COG5: variants seen among roughly 807,000 people sequenced by gnomAD.
COG5 encodes component of oligomeric golgi complex 5.
COG5 carries 86 observed loss-of-function variants against 110.4 expected under a neutral mutation model. The observed-to-expected ratio is 0.78, with a 90% confidence interval of 0.65 to 0.93. COG5 has a LOEUF of 0.93. COG5 is among the 40% of genes least tolerant of loss of function. The pLI is 0.00. For synonymous variants in COG5, 360 were observed against 334.6 expected (o/e 1.08, Z -0.83); for missense variants, 1,077 against 987.0 (o/e 1.09, Z -1.22).
intron 5 of COG5, among the ~76,000 whole-genome samples, chr7:107,530,637 A>G (rs1267135582): frequency 1.3e-5 from 2 of 149,194 alleles, no homozygotes; most frequent in Non-Finnish European, 3.0e-5. Flanking sequence ...CACAGTTTTC[A>G]GCACTCCAAC....
At chr7:107,561,194 A>G (rs1419287260) in intron 1 of COG5, among the ~76,000 whole-genome samples, 1 of 152,236 alleles carries the variant, frequency 6.6e-6, no homozygotes, top group African/African-American at 2.4e-5. Context: ...TCTCTTTTAT[A>G]GTTTCCTCAT....
At chr7:107,260,962 TG>T (rs200534235) in intron 14 of COG5, among the ~76,000 whole-genome samples, 2,037 of 151,338 alleles carry the variant, frequency 0.013, 40 homozygotes, top group African/African-American at 0.048. Context: ...TGTTTGTTTT[TG>T]TTTTTTTTTT....
chr7:107,247,083 C>T (rs934992648), intron 17 of COG5, among the ~76,000 whole-genome samples: 3 of 152,156 alleles, frequency 2.0e-5, no homozygotes, highest in Non-Finnish European at 4.4e-5. Context: ...ATGGATGGAG[C>T]TGGATGCTAT....
At chr7:107,549,562 T>C (rs1218042592) in intron 3 of COG5, among the ~76,000 whole-genome samples, 1 of 151,166 alleles carries the variant, frequency 6.6e-6, no homozygotes. Context: ...CAGCTAATTT[T>C]TTTTTTTTTT....
At chr7:107,452,379 C>A (rs1245869711) in intron 6 of COG5, among the ~76,000 whole-genome samples, 1 of 152,160 alleles carries the variant, frequency 6.6e-6, no homozygotes, top group East Asian at 1.9e-4. Context: ...GCTTCCCTGT[C>A]TGATATGGTT....
chr7:107,437,216 T>C (rs778155349), intron 6 of COG5, among the ~76,000 whole-genome samples: 7 of 152,174 alleles, frequency 4.6e-5, no homozygotes, highest in South Asian at 2.1e-4. Flanking sequence ...TTATAACACA[T>C]TGTCACATGA....
At chr7:107,315,173 A>T (rs1247687418) in intron 11 of COG5, among the ~76,000 whole-genome samples, 2 of 149,564 alleles carry the variant, frequency 1.3e-5, no homozygotes, top group East Asian at 1.9e-4. Context: ...TTTTTTTTTT[A>T]AAGAACATAC....
chr7:107,221,417 A>G (rs1372749536), intron 19 of COG5, among the ~76,000 whole-genome samples: 5 of 152,070 alleles, frequency 3.3e-5, no homozygotes, highest in Non-Finnish European at 7.3e-5. Flanking sequence ...TCCCGTATGA[A>G]GCTCTCTGTA....
chr7:107,283,077 T>C (rs1369917804), intron 13 of COG5, among the ~76,000 whole-genome samples: 1 of 152,192 alleles, frequency 6.6e-6, no homozygotes, highest in Non-Finnish European at 1.5e-5. Flanking sequence ...GTGGCACCTC[T>C]GCTAGGATAT....
chr7:107,546,974 C>T (rs1802500753), intron 5 of COG5, among the ~76,000 whole-genome samples: 1 of 152,160 alleles, frequency 6.6e-6, no homozygotes, highest in African/African-American at 2.4e-5. Context: ...ACCAATCCTT[C>T]TAAAACTCTC....
chr7:107,249,102 C>A (rs995808016), intron 16 of COG5, among the ~76,000 whole-genome samples: 12 of 152,088 alleles, frequency 7.9e-5, no homozygotes, highest in African/African-American at 2.9e-4. Flanking sequence ...ACCTTCTACC[C>A]GCAAGTAGGC....
intron 11 of COG5, among the ~76,000 whole-genome samples, chr7:107,307,793 G>C (rs993183448): frequency 1.3e-5 from 2 of 149,042 alleles, no homozygotes; most frequent in African/African-American, 2.4e-5. Context: ...AGGAATAGAA[G>C]ACTACATATT....
In COG5 at chr7:107,541,496, C is replaced by CAA. The variant is rs869244428; in HGVS notation, c.417+6613_417+6614dup. ...TGGGCAACAGAGTGAGACCCTGTCT[C>CAA]AAAAAAAAAAAAAAAAAAAAAAAAA... On this transcript the variant is annotated intron_variant, in intron 5 of 21. Coordinates refer to ENST00000297135, the MANE Select transcript of COG5 (RefSeq NM_006348.5). Among the ~76,000 whole-genome samples the CAA allele has an allele frequency of 5.2e-3, 165 of 31,898 alleles. 4 individuals carry two copies. The highest frequency in any genetic ancestry group is 5.9e-3 in the African/African-American group (35 of 5,894). 20.9% of individuals were successfully genotyped at this position (31,898 alleles called of 152,430 possible).
chr7:107,508,302 C>T (rs1349899009), intron 6 of COG5, among the ~76,000 whole-genome samples: 1 of 152,238 alleles, frequency 6.6e-6, no homozygotes. Flanking sequence ...AGTCTGAGAT[C>T]AAACTGCAAG....
In COG5 at chr7:107,203,407, CAATT is replaced by C. The variant is rs1214748989; in HGVS notation, c.*105_*108del. On this transcript the variant is annotated 3_prime_UTR_variant, in exon 22 of 22. Coordinates refer to ENST00000297135, the MANE Select transcript of COG5 (RefSeq NM_006348.5). ...ACGTCGATAGGAAATACCGAACAAT[CAATT>C]ACATTCTTAAAATAGTAGATAGTAG... 21 of 784,756 alleles carry C rather than the reference CAATT, an allele frequency of 2.7e-5. No homozygotes were observed. Among genetic ancestry groups the C allele is most frequent in the Middle Eastern group, 2.2e-4 (1 of 4,478 alleles). 48.6% of individuals were successfully genotyped at this position (784,756 alleles called of 1,614,324 possible). A position where few individuals can be genotyped will look rare whatever the true frequency, so the allele number is the denominator to read the frequency against.
At chr7:107,281,257 T>C (rs1432156697) in intron 14 of COG5, 43 bp downstream of exon 14, 1 of 1,276,446 alleles carries the variant, frequency 7.8e-7, no homozygotes, top group East Asian at 2.4e-5. Flanking sequence ...TTAGTAATTT[T>C]AAATAAAATC....
intron 6 of COG5, among the ~76,000 whole-genome samples, chr7:107,497,511 T>A (rs2520246): frequency 6.6e-6 from 1 of 151,936 alleles, no homozygotes; most frequent in South Asian, 2.1e-4. Flanking sequence ...ACAATCTATA[T>A]GAAAAAGATA....
chr7:107,385,563 G>A (rs1790124991), intron 7 of COG5, among the ~76,000 whole-genome samples: 1 of 152,076 alleles, frequency 6.6e-6, no homozygotes, highest in African/African-American at 2.4e-5. Context: ...TTACAACACG[G>A]ATAAACCTTG....
At chr7:107,373,622 G>A (rs1386918337) in intron 7 of COG5, among the ~76,000 whole-genome samples, 1 of 152,016 alleles carries the variant, frequency 6.6e-6, no homozygotes, top group African/African-American at 2.4e-5. Context: ...GAAGCAGAGA[G>A]GCAGAAGATG....
Sources: allele counts gnomAD v4.1 joint callset (sites outside exome capture counted in the v4.1 genomes callset), GRCh38; gene constraint gnomAD v4.1.1; transcripts MANE v1.5; gene names NCBI Gene and HGNC (gene_info 2026-07-23, HGNC 2026-07-21).